DHX57: variants seen among roughly 807,000 people sequenced by gnomAD.
DHX57 encodes the protein DExH-box helicase 57.
In DHX57, 105 loss-of-function variants were observed where a neutral mutation model predicts 156.2. That is an observed-to-expected ratio of 0.67 (90% CI 0.57 to 0.79). The LOEUF (loss-of-function observed/expected upper bound fraction) is 0.79, where lower values mean the gene tolerates loss of function less well. Ranked by LOEUF, DHX57 falls within the 30% of genes least tolerant of loss-of-function variation. DHX57 has a pLI of 0.00. For missense variants in DHX57, 1,847 were observed against 1,661.9 expected, an observed-to-expected ratio of 1.11 and a Z score of -1.94; for synonymous variants, 704 against 595.6, an observed-to-expected ratio of 1.18 and a Z score of -2.65.
chr2:38,801,798 T>C (rs979085805), intron 23 of DHX57, among the ~76,000 whole-genome samples: 7 of 152,244 alleles, frequency 4.6e-5, no homozygotes, highest in Non-Finnish European at 8.8e-5. Context: ...GGTTTCACCA[T>C]ATTGGCCAGG....
intron 19 of DHX57, chr2:38,816,273 G>A (rs1324524902): frequency 4.4e-6 from 2 of 459,660 alleles, no homozygotes; most frequent in Non-Finnish European, 8.8e-6. Context: ...GGAGTGCAGT[G>A]GCGCAATCTT....
At chr2:38,869,391 G>A (rs1327124848) in intron 1 of DHX57, among the ~76,000 whole-genome samples, 4 of 152,214 alleles carry the variant, frequency 2.6e-5, no homozygotes, top group African/African-American at 9.6e-5. Context: ...AGTTTAGACT[G>A]TTGGCCAACT....
In DHX57 at chr2:38,797,980, A is replaced by G. The variant is rs940783528; in HGVS notation, c.*319T>C. The stretch of plus-strand genomic sequence containing the variant: ...AGGAGAAAAAGAATACACAGATTAA[A>G]ACAGAATTGTATTATACATTCACTT... On this transcript the variant is annotated 3_prime_UTR_variant, in exon 24 of 24. Transcript: ENST00000457308. 2 of 223,836 alleles carry G rather than the reference A, an allele frequency of 8.9e-6. No homozygotes were observed. The highest frequency in any genetic ancestry group is 5.7e-5 in the Admixed American group (1 of 17,596). 13.9% of individuals were successfully genotyped at this position (223,836 alleles called of 1,614,324 possible).
chr2:38,839,215 C>T (rs899693131), intron 12 of DHX57, among the ~76,000 whole-genome samples: 3 of 151,012 alleles, frequency 2.0e-5, no homozygotes, highest in Non-Finnish European at 4.4e-5. Flanking sequence ...TAGTCGTGAG[C>T]CACCGCGCCC....
intron 17 of DHX57, among the ~76,000 whole-genome samples, chr2:38,820,553 A>G (rs1264066323): frequency 6.6e-6 from 1 of 152,170 alleles, no homozygotes; most frequent in Non-Finnish European, 1.5e-5. Context: ...GTGTACCCCC[A>G]GCAAGTTATG....
intron 21 of DHX57, among the ~76,000 whole-genome samples, chr2:38,813,269 T>C (rs1655485062): frequency 6.6e-6 from 1 of 152,220 alleles, no homozygotes; most frequent in Non-Finnish European, 1.5e-5. Flanking sequence ...TTTTAATTTT[T>C]GGAATATCAT....
chr2:38,823,084 C>G lies in DHX57; in HGVS notation c.3200G>C (p.Arg1067Thr). Reference sequence around the variant, plus strand: ...CCCAAACAACATTAGTTTGCCAATTCTCACATCCACGGGCAGAGAGGCCAA... The same window carrying G: ...CCCAAACAACATTAGTTTGCCAATTGTCACATCCACGGGCAGAGAGGCCAA... ...YHLASLPVDV[R>T]IGKLMLFGSI... Residue 1067 changes from arginine (R) to threonine (T), a missense_variant, in exon 17 of 24, where the codon AGA becomes ACA. Arg to Thr is a moderately conservative substitution (Grantham distance 71). Coordinates refer to ENST00000457308, the MANE Select transcript of DHX57 (RefSeq NM_198963.3). 6.2e-7 allele frequency: 1 copy of G among 1,614,196 alleles called. No individual in the cohort carries two copies. Among genetic ancestry groups the G allele is most frequent in the Non-Finnish European group, 8.5e-7 (1 of 1,180,034 alleles).
rs1669496706 is a variant in DHX57, at chr2:38,798,451, A to G, written c.4018-9T>C. 6.2e-7 allele frequency: 1 copy of G among 1,607,384 alleles called. No homozygotes were observed. The highest frequency in any genetic ancestry group is 1.1e-5 in the South Asian group (1 of 89,870). On this transcript the variant is annotated splice_polypyrimidine_tract_variant and intron_variant, in intron 23 of 23. Coordinates refer to ENST00000457308, the MANE Select transcript of DHX57 (RefSeq NM_198963.3). The stretch of plus-strand genomic sequence containing the variant: ...TTTACCAGTTCAGCCACCTAAAATG[A>G]AAGCTACAATATAAGCAGTGCTTGG...
chr2:38,867,267 T>C (rs1195446436), intron 2 of DHX57: 2 of 152,192 alleles, frequency 1.3e-5, no homozygotes, highest in East Asian at 1.9e-4. Context: ...AACAATGAAA[T>C]TGCCTAACAA....
In DHX57 at chr2:38,826,504, A is replaced by C. The variant is rs202079686; in HGVS notation, c.2813+12T>G. On this transcript the variant is annotated intron_variant, in intron 15 of 23. Transcript: ENST00000457308. ...TTTAGCCCCTCTCTTACATCACCAC[A>C]AGACGGAATACCTCTTTTCTTTCAT... 6.8e-4 allele frequency: 1,091 copies of C among 1,611,994 alleles called. 8 individuals are homozygous for C. Among genetic ancestry groups the C allele is most frequent in the Non-Finnish European group, 3.3e-4 (383 of 1,178,448 alleles).
chr2:38,849,999 T>A (rs1369613297), intron 9 of DHX57, among the ~76,000 whole-genome samples: 1 of 152,348 alleles, frequency 6.6e-6, no homozygotes, highest in East Asian at 1.9e-4. Flanking sequence ...TGATGAGCTC[T>A]CCCACTAGAA....
intron 6 of DHX57, chr2:38,857,079 A>G (rs1282083096): frequency 6.5e-6 from 1 of 154,020 alleles, no homozygotes. Flanking sequence ...TTCCGTGTTG[A>G]TGGAAATGTT....
intron 10 of DHX57, among the ~76,000 whole-genome samples, chr2:38,847,567 T>C (rs1048594872): frequency 1.4e-4 from 22 of 152,220 alleles, no homozygotes; most frequent in Non-Finnish European, 2.6e-4. Flanking sequence ...AATGAGACTG[T>C]GGAAGTGCCC....
intron 19 of DHX57, among the ~76,000 whole-genome samples, chr2:38,817,926 G>C (rs1456027946): frequency 6.6e-6 from 1 of 150,850 alleles, no homozygotes; most frequent in Non-Finnish European, 1.5e-5. Flanking sequence ...TCAAATTCCT[G>C]GGCTCAAGCA....
At chr2:38,864,859 T>G (rs1473063944) in intron 2 of DHX57, among the ~76,000 whole-genome samples, 1 of 152,226 alleles carries the variant, frequency 6.6e-6, no homozygotes, top group East Asian at 1.9e-4. Flanking sequence ...GTATTTCCTA[T>G]GCTACTACAG....
Position 38,861,735 on chromosome 2 carries a change from T to C in DHX57, c.675A>G (p.Thr225=), listed in dbSNP as rs1049983570. The C allele has an allele frequency of 6.2e-7, 1 of 1,614,204 alleles. No homozygotes were observed. Among genetic ancestry groups the C allele is most frequent in the Non-Finnish European group, 8.5e-7 (1 of 1,180,034 alleles). The stretch of plus-strand genomic sequence containing the variant: ...CAGAGATCTTCATCCTCTCTCCAAA[T>C]GTCTCTGAAAAACACTGGGTAAGGA... ...EHLLTQCFSE[T]FGERMKISEA... The change falls in exon 5 of 24, where the codon ACA becomes ACG. Residue 225 remains threonine, a synonymous_variant. Transcript: ENST00000457308.
At chr2:38,839,719 C>G (rs1452547647) in intron 12 of DHX57, among the ~76,000 whole-genome samples, 1 of 100,252 alleles carries the variant, frequency 1.0e-5, no homozygotes, top group Admixed American at 1.1e-4. Context: ...GACTCCGTCT[C>G]AAAAAAAAAA....
chr2:38,870,319 C>G (rs546612731), intron 1 of DHX57, among the ~76,000 whole-genome samples: 1 of 152,164 alleles, frequency 6.6e-6, no homozygotes, highest in African/African-American at 2.4e-5. Context: ...TGGTAGAAAA[C>G]TTCTCTGATT....
At chr2:38,829,966 T>C (rs1417427945) in intron 13 of DHX57, among the ~76,000 whole-genome samples, 3 of 152,196 alleles carry the variant, frequency 2.0e-5, no homozygotes, top group African/African-American at 7.2e-5. Flanking sequence ...AAACTGATTA[T>C]AGTATATTTC....
Sources: allele counts gnomAD v4.1 joint callset (sites outside exome capture counted in the v4.1 genomes callset), GRCh38; gene constraint gnomAD v4.1.1; transcripts MANE v1.5; gene names NCBI Gene and HGNC (gene_info 2026-07-23, HGNC 2026-07-21).